Variants in CDH12 observed in about 807,000 individuals in gnomAD.
CDH12 encodes the protein cadherin 12.
CDH12 carries 41 observed loss-of-function variants against 74.1 expected under a neutral mutation model. The observed-to-expected ratio is 0.55, with a 90% CI of 0.43 to 0.72. The LOEUF (loss-of-function observed/expected upper bound fraction) is 0.72, where lower values mean the gene tolerates loss of function less well. CDH12 is among the 30% of genes least tolerant of loss of function. CDH12 has a pLI of 0.00. For missense variants in CDH12, 945 were observed against 977.2 expected (o/e 0.97, Z 0.44); for synonymous variants, 399 against 355.0 (o/e 1.12, Z -1.39).
intron 1 of CDH12, among the ~76,000 whole-genome samples, chr5:22,766,668 A>G (rs908720703): frequency 1.3e-5 from 2 of 152,114 alleles, no homozygotes; most frequent in African/African-American, 2.4e-5. Flanking sequence ...CATTCAACCA[A>G]CAGCAACTCA....
intron 3 of CDH12, among the ~76,000 whole-genome samples, chr5:22,366,246 C>T (rs1418712687): frequency 6.6e-6 from 1 of 152,078 alleles, no homozygotes; most frequent in Non-Finnish European, 1.5e-5. Flanking sequence ...CGTGAACCAT[C>T]ACACCCACCC....
At chr5:22,465,461 CAT>C (rs1745689559) in intron 2 of CDH12, among the ~76,000 whole-genome samples, 1 of 152,100 alleles carries the variant, frequency 6.6e-6, no homozygotes. Flanking sequence ...GCCTGGGTAA[CAT>C]AGGGAGAACC....
intron 5 of CDH12, among the ~76,000 whole-genome samples, chr5:22,047,720 T>C (rs1025359891): frequency 6.6e-6 from 1 of 152,160 alleles, no homozygotes; most frequent in Non-Finnish European, 1.5e-5. Context: ...TATCCACAAG[T>C]CCAAAGTCCA....
At chr5:22,054,649 A>G (rs1740612828) in intron 5 of CDH12, among the ~76,000 whole-genome samples, 1 of 152,144 alleles carries the variant, frequency 6.6e-6, no homozygotes, top group African/African-American at 2.4e-5. Flanking sequence ...TATCTCATCT[A>G]AAAGTTTGTA....
At chr5:22,545,013 T>A (rs1738255017) in intron 1 of CDH12, among the ~76,000 whole-genome samples, 1 of 152,102 alleles carries the variant, frequency 6.6e-6, no homozygotes, top group East Asian at 1.9e-4. Context: ...CACGTACACA[T>A]ACAAAACACA....
intron 8 of CDH12, among the ~76,000 whole-genome samples, chr5:21,834,833 T>C (rs1749442071): frequency 6.6e-6 from 1 of 152,010 alleles, no homozygotes; most frequent in South Asian, 2.1e-4. Flanking sequence ...CAACCTCAAT[T>C]ATTTGAATAA....
At chr5:22,391,284 T>G (rs1376386279) in intron 3 of CDH12, among the ~76,000 whole-genome samples, 1 of 152,188 alleles carries the variant, frequency 6.6e-6, no homozygotes, top group South Asian at 2.1e-4. Context: ...GGAAAGTGAT[T>G]GCTCAAAACT....
In CDH12 at chr5:21,759,977, G is replaced by A. The variant is rs189098833; in HGVS notation, c.1633+581C>T. 2.0e-5 allele frequency among the ~76,000 whole-genome samples: 3 copies of A among 152,120 alleles called. No homozygotes were observed. The East Asian group carries it at 5.8e-4, about 29-fold the overall frequency. On this transcript the variant is annotated intron_variant, in intron 13 of 14. Transcript: ENST00000382254. ...CTGTGTTAGTTTGCTAAAGATAATA[G>A]CCTCCAGCTCCATCCATGTTCCTAC...
chr5:22,745,000 A>G (rs1489614657), intron 1 of CDH12, among the ~76,000 whole-genome samples: 1 of 151,416 alleles, frequency 6.6e-6, no homozygotes, highest in Admixed American at 6.6e-5. Context: ...TCAATAATTA[A>G]CTCGGCTAGC....
intron 1 of CDH12, among the ~76,000 whole-genome samples, chr5:22,842,458 A>G (rs1204586276): frequency 1.3e-5 from 2 of 152,138 alleles, no homozygotes. Flanking sequence ...TGTATGCAAG[A>G]GAGTTTTTTG....
chr5:22,116,560 G>A (rs764677314), intron 4 of CDH12, among the ~76,000 whole-genome samples: 3 of 151,784 alleles, frequency 2.0e-5, no homozygotes, highest in Non-Finnish European at 4.4e-5. Flanking sequence ...AGCCGAGATC[G>A]TGCCAATGCA....
intron 5 of CDH12, among the ~76,000 whole-genome samples, chr5:22,013,158 G>T (rs4458547): frequency 3.3e-5 from 5 of 152,132 alleles, no homozygotes; most frequent in Admixed American, 2.0e-4. Flanking sequence ...TTACAATTAC[G>T]CATGGCTGGG....
rs181343643 is a variant in CDH12, at chr5:22,082,814, C to T, written c.-186-3952G>A. Among the ~76,000 whole-genome samples, 86 of 152,284 alleles carry T rather than the reference C, an allele frequency of 5.6e-4. 2 individuals are homozygous for T. In the East Asian group the frequency reaches 0.016, roughly 29 times the overall value. ...GAACATGATGCCCATTTCCCTCAGGCCCACATTCTGTTCTTACTTTGGCTC... is the reference window on the plus strand; with the variant it reads ...GAACATGATGCCCATTTCCCTCAGGTCCACATTCTGTTCTTACTTTGGCTC... On this transcript the variant is annotated intron_variant, in intron 4 of 14. Transcript: ENST00000382254.
intron 3 of CDH12, among the ~76,000 whole-genome samples, chr5:22,376,105 A>G (rs968870121): frequency 6.6e-6 from 1 of 152,198 alleles, no homozygotes; most frequent in African/African-American, 2.4e-5. Flanking sequence ...CACACAATGG[A>G]ATACTATTCT....
chr5:22,359,912 A>C (rs1740725117), intron 3 of CDH12, among the ~76,000 whole-genome samples: 1 of 152,100 alleles, frequency 6.6e-6, no homozygotes, highest in African/African-American at 2.4e-5. Context: ...ACCAGAATCT[A>C]TGGGATACAT....
chr5:21,972,296 G>A (rs149882993), intron 6 of CDH12, among the ~76,000 whole-genome samples: 2,731 of 151,998 alleles, frequency 0.018, 26 homozygotes, highest in Non-Finnish European at 0.026. Flanking sequence ...CAATTATTGG[G>A]ACAGAAAAGT....
chr5:22,569,315 C>T (rs765678023), intron 1 of CDH12, among the ~76,000 whole-genome samples: 1 of 152,052 alleles, frequency 6.6e-6, no homozygotes, highest in Non-Finnish European at 1.5e-5. Context: ...GTGTGTGGCA[C>T]CCCACACCAC....
chr5:22,678,457 A>G (rs987836353), intron 1 of CDH12, among the ~76,000 whole-genome samples: 9 of 152,164 alleles, frequency 5.9e-5, no homozygotes, highest in Admixed American at 1.3e-4. Context: ...TCTACAAATC[A>G]TATGAATCAA....
At chr5:22,388,064 T>G (rs1013521482) in intron 3 of CDH12, among the ~76,000 whole-genome samples, 6 of 152,114 alleles carry the variant, frequency 3.9e-5, no homozygotes, top group African/African-American at 1.4e-4. Context: ...ACTATTATAT[T>G]TACATTCTGT....
Sources: allele counts gnomAD v4.1 joint callset (sites outside exome capture counted in the v4.1 genomes callset), GRCh38; gene constraint gnomAD v4.1.1; transcripts MANE v1.5; gene names NCBI Gene and HGNC (gene_info 2026-07-23, HGNC 2026-07-21).